RAPH1: variants seen among roughly 807,000 people sequenced by gnomAD.
RAPH1 encodes ras-associated and pleckstrin homology domains-containing protein 1.
In RAPH1, 18 loss-of-function variants were observed where a neutral mutation model predicts 88.1. The ratio of observed to expected loss-of-function variants is 0.20; its 90% CI spans 0.14 to 0.30. The LOEUF (loss-of-function observed/expected upper bound fraction) is 0.30. Among genes scored for constraint, RAPH1 ranks in the 10% least tolerant of loss-of-function variants. RAPH1 has a pLI of 1.00. For missense variants in RAPH1, 1,448 were observed against 1,543.2 expected (o/e 0.94, Z 1.03); for synonymous variants, 587 against 559.0 (o/e 1.05, Z -0.71).
rs188790302 is a variant in RAPH1, at chr2:203,455,588, A to G, written c.1159-8T>C. 6 of 1,610,844 alleles carry G rather than the reference A, an allele frequency of 3.7e-6. No individual in the cohort carries two copies. In the Admixed American group the frequency reaches 1.0e-4, roughly 27 times the overall value. The stretch of plus-strand genomic sequence containing the variant: ...ACTTCCACAAAAACATTCCTAAAAT[A>G]ACAAGATTATTTGCAAAGACTTATG... On this transcript the variant is annotated splice_polypyrimidine_tract_variant and splice_region_variant and intron_variant, in intron 8 of 13. Coordinates refer to ENST00000319170, the MANE Select transcript of RAPH1 (RefSeq NM_213589.3).
intron 4 of RAPH1, among the ~76,000 whole-genome samples, chr2:203,464,323 G>C (rs577644402): frequency 2.0e-4 from 31 of 152,342 alleles, no homozygotes; most frequent in African/African-American, 7.2e-4. Context: ...CCAGGCTGGA[G>C]TGCAGTGGCA....
intron 4 of RAPH1, among the ~76,000 whole-genome samples, chr2:203,468,400 T>C (rs1227338921): frequency 1.3e-5 from 2 of 152,194 alleles, no homozygotes; most frequent in East Asian, 1.9e-4. Context: ...CCTTGACTTA[T>C]GTACATGGAA....
intron 1 of RAPH1, among the ~76,000 whole-genome samples, chr2:203,502,805 G>T (rs1367754225): frequency 6.7e-6 from 1 of 149,222 alleles, no homozygotes; most frequent in African/African-American, 2.5e-5. Flanking sequence ...AGGCAACAGA[G>T]TGAGACTCCG....
chr2:203,437,296 C>T lies in RAPH1; in HGVS notation c.*2141G>A, dbSNP rs536693991. 2.6e-5 allele frequency: 4 copies of T among 152,242 alleles called. No individual in the cohort carries two copies. The South Asian group carries it at 8.3e-4, about 32-fold the overall frequency. 9.4% of individuals were successfully genotyped at this position (152,242 alleles called of 1,614,324 possible). A position where few individuals can be genotyped will look rare whatever the true frequency, so the allele number is the denominator to read the frequency against. ...CTACCTTCTCATGAGAAAATCACCA[C>T]CACAATAAAACTCAAAACCTCAGGG... On this transcript the variant is annotated 3_prime_UTR_variant, in exon 14 of 14. Transcript: ENST00000319170.
intron 1 of RAPH1, among the ~76,000 whole-genome samples, chr2:203,506,883 T>TATATATATAG (rs1689104945): frequency 9.5e-6 from 1 of 104,860 alleles, no homozygotes; most frequent in East Asian, 2.4e-4. Context: ...TATATATAGA[T>TATATATATAG]ATATATATAT....
chr2:203,472,640 CT>C (rs1201974222), intron 4 of RAPH1, among the ~76,000 whole-genome samples: 6 of 152,088 alleles, frequency 3.9e-5, no homozygotes, highest in Admixed American at 1.3e-4. Flanking sequence ...ATAAAAGTTA[CT>C]TTTTTAGAAA....
chr2:203,520,276 A>G (rs1473723988), intron 1 of RAPH1, among the ~76,000 whole-genome samples: 1 of 151,788 alleles, frequency 6.6e-6, no homozygotes, highest in Non-Finnish European at 1.5e-5. Flanking sequence ...AAGCTGCAGT[A>G]AGCTGTGATC....
intron 1 of RAPH1, among the ~76,000 whole-genome samples, chr2:203,498,888 A>AT (rs990747379): frequency 3.9e-5 from 6 of 152,140 alleles, no homozygotes; most frequent in Non-Finnish European, 7.4e-5. Flanking sequence ...CGGTGGTCCC[A>AT]TAAGTATTTT....
chr2:203,479,052 A>G (rs943590413), intron 4 of RAPH1, among the ~76,000 whole-genome samples: 2 of 152,248 alleles, frequency 1.3e-5, no homozygotes, highest in Non-Finnish European at 2.9e-5. Context: ...ATTAACGAAT[A>G]TACGGGAATG....
chr2:203,501,509 G>A (rs986684065), intron 1 of RAPH1, among the ~76,000 whole-genome samples: 3 of 152,222 alleles, frequency 2.0e-5, no homozygotes, highest in African/African-American at 7.2e-5. Flanking sequence ...GCTCACGCCA[G>A]TAATCCTAGC....
At chr2:203,514,593 C>T (rs1424151341) in intron 1 of RAPH1, among the ~76,000 whole-genome samples, 5 of 151,890 alleles carry the variant, frequency 3.3e-5, no homozygotes, top group Admixed American at 2.0e-4. Flanking sequence ...CTCGCTGTGT[C>T]GCCCAGGCTG....
intron 1 of RAPH1, among the ~76,000 whole-genome samples, chr2:203,505,064 C>T (rs1039700365): frequency 4.6e-5 from 7 of 152,162 alleles, no homozygotes; most frequent in African/African-American, 1.2e-4. Flanking sequence ...ATTTTCCTGT[C>T]TTCTTCTGAG....
chr2:203,506,877 T>TATATAG (rs1689101777), intron 1 of RAPH1, among the ~76,000 whole-genome samples: 1 of 93,382 alleles, frequency 1.1e-5, no homozygotes, highest in African/African-American at 4.8e-5. Flanking sequence ...TATATATATA[T>TATATAG]ATAGATATAT....
At chr2:203,521,447 C>T (rs372399307) in intron 1 of RAPH1, among the ~76,000 whole-genome samples, 4 of 152,060 alleles carry the variant, frequency 2.6e-5, no homozygotes, top group South Asian at 2.1e-4. Flanking sequence ...TGGATACATA[C>T]GTATGTATTA....
In RAPH1 at chr2:203,465,509, G is replaced by A. The variant is rs550370443; in HGVS notation, c.733-3584C>T. On this transcript the variant is annotated intron_variant, in intron 4 of 13. Transcript: ENST00000319170. ...AGGAGGAATGAATAGGCAGAGCACGGAGGATTTAAGGGCTGTGAAACTATT... is the reference window on the plus strand; with the variant it reads ...AGGAGGAATGAATAGGCAGAGCACGAAGGATTTAAGGGCTGTGAAACTATT... Among the ~76,000 whole-genome samples, 8 of 152,362 alleles carry A rather than the reference G, an allele frequency of 5.3e-5. No homozygotes were observed. In the East Asian group the frequency reaches 1.5e-3, roughly 29 times the overall value.
At chr2:203,532,809 AG>A (rs1167240158) in intron 1 of RAPH1, among the ~76,000 whole-genome samples, 1 of 152,222 alleles carries the variant, frequency 6.6e-6, no homozygotes, top group African/African-American at 2.4e-5. Context: ...TTATAGGTAA[AG>A]GAATTAAGAG....
intron 7 of RAPH1, 93 bp downstream of exon 7, chr2:203,459,814 G>C (rs777073956): frequency 9.5e-5 from 124 of 1,299,822 alleles, no homozygotes; most frequent in Middle Eastern, 7.5e-4. Context: ...CCAACCAGGT[G>C]TTTACCAGTC....
At chr2:203,511,683 T>TGGGA (rs1286131348) in intron 1 of RAPH1, among the ~76,000 whole-genome samples, 57 of 152,234 alleles carry the variant, frequency 3.7e-4, no homozygotes, top group African/African-American at 1.2e-3. Context: ...ATTCTCTACC[T>TGGGA]TCTTTACATT....
intron 4 of RAPH1, among the ~76,000 whole-genome samples, chr2:203,472,009 C>A (rs2105739540): frequency 6.6e-6 from 1 of 151,996 alleles, no homozygotes; most frequent in South Asian, 2.1e-4. Context: ...GTAGTAATTT[C>A]TGAAAATTCA....
Sources: allele counts gnomAD v4.1 joint callset (sites outside exome capture counted in the v4.1 genomes callset), GRCh38; gene constraint gnomAD v4.1.1; transcripts MANE v1.5; gene names NCBI Gene and HGNC (gene_info 2026-07-23, HGNC 2026-07-21).